Variants in HIVEP3 observed in about 807,000 individuals in gnomAD.
The protein encoded by HIVEP3 is transcription factor HIVEP3.
In HIVEP3, 49 loss-of-function variants were observed where a neutral mutation model predicts 152.8. The ratio of observed to expected loss-of-function variants is 0.32; its 90% CI spans 0.26 to 0.41. The LOEUF is 0.41. HIVEP3 is among the 10% of genes least tolerant of loss of function. The pLI is 1.00. For synonymous variants in HIVEP3, 1,269 were observed against 1,289.0 expected, an observed-to-expected ratio of 0.98 and a Z score of 0.33; for missense variants, 2,790 against 3,103.3, an observed-to-expected ratio of 0.90 and a Z score of 2.40.
At chr1:41,828,032 G>T (rs1642853552) in intron 1 of HIVEP3, among the ~76,000 whole-genome samples, 1 of 152,190 alleles carries the variant, frequency 6.6e-6, no homozygotes, top group South Asian at 2.1e-4. Flanking sequence ...GAACACCTTT[G>T]AAAAGTGACC....
chr1:41,866,577 A>C (rs1466028067), intron 1 of HIVEP3, among the ~76,000 whole-genome samples: 1 of 152,176 alleles, frequency 6.6e-6, no homozygotes, highest in Admixed American at 6.5e-5. Flanking sequence ...CAGGAGCAGA[A>C]GGTCAGGTTG....
At position 42,003,030 on chromosome 1, in the gene HIVEP3, T is replaced by C; in HGVS notation, n.119+32777A>G. 2.0e-5 allele frequency among the ~76,000 whole-genome samples: 3 copies of C among 152,322 alleles called. No individual in the cohort carries two copies. The Middle Eastern group carries it at 0.01, about 518-fold the overall frequency. On this transcript the variant is annotated intron_variant and non_coding_transcript_variant, in intron 1 of 3. Transcript: ENST00000489103. ...TTTTTGTTCTAACTGCTAACTAATA[T>C]TTTTAAATATCTAGAAATTAATATT...
intron 2 of HIVEP3, among the ~76,000 whole-genome samples, chr1:41,660,879 C>G (rs1645701328): frequency 6.6e-6 from 1 of 152,200 alleles, no homozygotes; most frequent in African/African-American, 2.4e-5. Flanking sequence ...GGTGGAACAG[C>G]TTTCAGAACT....
intron 1 of HIVEP3, among the ~76,000 whole-genome samples, chr1:41,861,482 T>C (rs1394230483): frequency 1.3e-5 from 2 of 152,198 alleles, no homozygotes; most frequent in Admixed American, 6.5e-5. Context: ...TTCAGGAGGA[T>C]GCAGGTCAGC....
chr1:41,854,146 CCTCTCTCTCT>C lies in HIVEP3; in HGVS notation c.-801+64257_-801+64266del, dbSNP rs143354235. 4.7e-5 allele frequency among the ~76,000 whole-genome samples: 7 copies of C among 149,318 alleles called. No individual in the cohort carries two copies. In the East Asian group the frequency reaches 1.4e-3, roughly 29 times the overall value. On this transcript the variant is annotated intron_variant, in intron 1 of 8. Coordinates refer to ENST00000372583, the MANE Select transcript of HIVEP3 (RefSeq NM_024503.5). ...CTCTCTCCCTCTCTCTGTCCCACCT[CCTCTCTCTCT>C]CTCTCTCTCAGTTCTGGGCTGGGAC... is the stretch of plus-strand genomic sequence containing the variant.
chr1:41,830,715 A>G (rs954016759), intron 1 of HIVEP3, among the ~76,000 whole-genome samples: 1 of 152,298 alleles, frequency 6.6e-6, no homozygotes, highest in Admixed American at 6.5e-5. Flanking sequence ...TTGGAATTGC[A>G]TCACAGTTCA....
At chr1:41,566,550 C>T (rs1391089095) in intron 5 of HIVEP3, among the ~76,000 whole-genome samples, 1 of 152,186 alleles carries the variant, frequency 6.6e-6, no homozygotes, top group Non-Finnish European at 1.5e-5. Flanking sequence ...CTGATTTGTG[C>T]TGCTTTCCTC....
chr1:41,580,209 G>T lies in HIVEP3; in HGVS notation c.4589C>A (p.Ala1530Asp). ...LSHGTAPGSE[A>D]LKEYPQPSGK... ...AGATGGCTGGGGATATTCCTTCAAA[G>T]CTTCTGAGCCTGGGGCTGTCCCATG... Residue 1530 changes from alanine to aspartate, a missense_variant, in exon 4 of 9, where the codon GCT becomes GAT. Physicochemically the swap from Ala to Asp is moderately radical, Grantham distance 126 (BLOSUM62 -2). Around this residue, in one of 9 missense-constraint regions of HIVEP3, gnomAD observed 1,078 missense variants for 1,165.3 expected, o/e 0.93. Coordinates refer to ENST00000372583, the MANE Select transcript of HIVEP3 (RefSeq NM_024503.5). 1 of 1,612,286 alleles carries T rather than the reference G, an allele frequency of 6.2e-7. No homozygotes were observed. Among genetic ancestry groups the T allele is most frequent in the Non-Finnish European group, 8.5e-7 (1 of 1,179,026 alleles).
At chr1:41,906,801 T>C (rs192375306) in intron 1 of HIVEP3, among the ~76,000 whole-genome samples, 29 of 152,224 alleles carry the variant, frequency 1.9e-4, no homozygotes, top group African/African-American at 6.3e-4. Context: ...GCTTCCTTTG[T>C]TTTTTGTTCC....
intron 2 of HIVEP3, among the ~76,000 whole-genome samples, chr1:41,647,417 G>A (rs1346418340): frequency 6.6e-6 from 1 of 152,202 alleles, no homozygotes; most frequent in Non-Finnish European, 1.5e-5. Context: ...ACTTTGTCAT[G>A]TTTCCATGCT....
intron 6 of HIVEP3, among the ~76,000 whole-genome samples, chr1:41,524,244 T>C (rs916815239): frequency 6.7e-6 from 1 of 149,340 alleles, no homozygotes; most frequent in South Asian, 2.2e-4. Context: ...ATGGTGGGAG[T>C]GGAGAGGTGG....
chr1:41,724,054 G>A (rs1054613240), intron 1 of HIVEP3, among the ~76,000 whole-genome samples: 1 of 152,140 alleles, frequency 6.6e-6, no homozygotes, highest in Non-Finnish European at 1.5e-5. Flanking sequence ...TTTCTCTTGC[G>A]ATAATAATAT....
chr1:41,934,748 C>T (rs1375951400), intron 1 of HIVEP3, among the ~76,000 whole-genome samples: 2 of 152,056 alleles, frequency 1.3e-5, no homozygotes, highest in African/African-American at 2.4e-5. Flanking sequence ...AAGTAAAGTA[C>T]AAATAATGTA....
chr1:41,955,559 T>C (rs946673469), intron 1 of HIVEP3, among the ~76,000 whole-genome samples: 1 of 152,202 alleles, frequency 6.6e-6, no homozygotes, highest in Admixed American at 6.5e-5. Flanking sequence ...AGTCCTGTGA[T>C]GCATCCTGCC....
intron 1 of HIVEP3, among the ~76,000 whole-genome samples, chr1:41,740,293 G>T (rs372619094): frequency 1.2e-4 from 19 of 152,352 alleles, no homozygotes; most frequent in African/African-American, 4.3e-4. Context: ...GCAGCTTATT[G>T]CAAGACCTGC....
chr1:41,574,436 C>T (rs1644297183), intron 5 of HIVEP3, among the ~76,000 whole-genome samples: 1 of 152,162 alleles, frequency 6.6e-6, no homozygotes, highest in African/African-American at 2.4e-5. Context: ...GCCCCCTTCC[C>T]ATCATTGACT....
chr1:41,534,880 C>T (rs1053605291), intron 5 of HIVEP3, among the ~76,000 whole-genome samples: 9 of 152,174 alleles, frequency 5.9e-5, no homozygotes, highest in Non-Finnish European at 8.8e-5. Flanking sequence ...CTGCTCAGAG[C>T]GGGAGAGGTG....
At chr1:41,897,884 C>A (rs977843837) in intron 1 of HIVEP3, among the ~76,000 whole-genome samples, 1 of 150,470 alleles carries the variant, frequency 6.6e-6, no homozygotes, top group Non-Finnish European at 1.5e-5. Context: ...TGACCTAATT[C>A]TTTATTGCTG....
At chr1:41,741,825 A>G (rs1647001059) in intron 1 of HIVEP3, among the ~76,000 whole-genome samples, 1 of 152,250 alleles carries the variant, frequency 6.6e-6, no homozygotes, top group Admixed American at 6.5e-5. Flanking sequence ...TGTCAAACAC[A>G]GGGCTGTTTT....
Sources: allele counts gnomAD v4.1 joint callset (sites outside exome capture counted in the v4.1 genomes callset), GRCh38; gene constraint gnomAD v4.1.1; regional missense constraint gnomAD v4.1.1; transcripts MANE v1.5; gene names NCBI Gene and HGNC (gene_info 2026-07-23, HGNC 2026-07-21).